Variants in RTN1 observed in about 807,000 individuals in gnomAD.
RTN1 encodes reticulon 1, also known as reticulon-1.
In RTN1, 25 loss-of-function variants were observed where a neutral mutation model predicts 65.5. The ratio of observed to expected loss-of-function variants is 0.38; its 90% confidence interval spans 0.28 to 0.53. The LOEUF (loss-of-function observed/expected upper bound fraction) is 0.53. Ranked by LOEUF, RTN1 falls within the 20% of genes least tolerant of loss-of-function variation. The pLI is 0.79. For synonymous variants in RTN1, 471 were observed against 447.6 expected, an observed-to-expected ratio of 1.05 and a Z score of -0.66; for missense variants, 983 against 1,025.4, an observed-to-expected ratio of 0.96 and a Z score of 0.57.
intron 3 of RTN1, among the ~76,000 whole-genome samples, chr14:59,620,992 A>G (rs1882239425): frequency 6.6e-6 from 1 of 152,234 alleles, no homozygotes; most frequent in Non-Finnish European, 1.5e-5. Flanking sequence ...AATGGCCTGA[A>G]GTTCTGATGA....
Position 59,726,929 on chromosome 14 carries a change from A to T in RTN1, c.1755T>A (p.Asn585Lys). Residue 585 changes from asparagine (N) to lysine (K), a missense_variant, in exon 3 of 9, where the codon AAT (asparagine) becomes AAA (lysine). Physicochemically the swap from Asn to Lys is moderately conservative, Grantham distance 94. This residue lies in a region of RTN1 where 818 missense variants were observed against 801.8 expected (regional missense o/e 1.02). Transcript: ENST00000267484. ...PGAPPPLLFLNKQKAIDLLYW... is the reference protein window; with the variant it reads ...PGAPPPLLFLKKQKAIDLLYW... ...CTTGGGATCCTTTACCTTTTTGCTTATTGAGAAACAGCAGTGGGGGCGGGG... is the reference window on the plus strand; with the variant it reads ...CTTGGGATCCTTTACCTTTTTGCTTTTTGAGAAACAGCAGTGGGGGCGGGG... 1 of 1,611,048 alleles carries T rather than the reference A, an allele frequency of 6.2e-7. No homozygotes were observed. The highest frequency in any genetic ancestry group is 8.5e-7 in the Non-Finnish European group (1 of 1,178,868).
At chr14:59,851,121 C>T (rs1227450842) in intron 1 of RTN1, among the ~76,000 whole-genome samples, 3 of 152,204 alleles carry the variant, frequency 2.0e-5, no homozygotes, top group African/African-American at 7.2e-5. Flanking sequence ...GAAAATAATG[C>T]TTCCAAAGAT....
chr14:59,596,680 T>A lies in RTN1; in HGVS notation c.*65A>T. On this transcript the variant is annotated 3_prime_UTR_variant, in exon 9 of 9. Coordinates refer to ENST00000267484, the MANE Select transcript of RTN1 (RefSeq NM_021136.3). ...AAGACAATCAATTTGCAGTAATGAGTAAGAAGAGAGCTGTTACCACTCCAG... is the reference window on the plus strand; with the variant it reads ...AAGACAATCAATTTGCAGTAATGAGAAAGAAGAGAGCTGTTACCACTCCAG... 8.3e-7 allele frequency: 1 copy of A among 1,204,190 alleles called. No homozygotes were observed. The highest frequency in any genetic ancestry group is 1.2e-6 in the Non-Finnish European group (1 of 806,584). The allele number at this position is 1,204,190 out of a possible 1,614,324, so 74.6% of individuals were successfully genotyped here.
At chr14:59,696,355 A>C (rs1884062544) in intron 3 of RTN1, among the ~76,000 whole-genome samples, 1 of 152,212 alleles carries the variant, frequency 6.6e-6, no homozygotes. Flanking sequence ...CAAGTCACTC[A>C]TCATCCTCAG....
At chr14:59,772,227 A>G (rs982389811) in intron 1 of RTN1, among the ~76,000 whole-genome samples, 1 of 152,226 alleles carries the variant, frequency 6.6e-6, no homozygotes, top group Non-Finnish European at 1.5e-5. Flanking sequence ...ACAAAAGGAT[A>G]TTAATCAACA....
intron 3 of RTN1, among the ~76,000 whole-genome samples, chr14:59,691,695 A>G (rs920341141): frequency 1.3e-5 from 2 of 152,206 alleles, no homozygotes; most frequent in African/African-American, 4.8e-5. Flanking sequence ...GCAAAATAAT[A>G]GCAAATCAAA....
chr14:59,610,714 G>A (rs1413497257), intron 3 of RTN1, among the ~76,000 whole-genome samples: 1 of 152,166 alleles, frequency 6.6e-6, no homozygotes, highest in Non-Finnish European at 1.5e-5. Flanking sequence ...TTCTTGCCTG[G>A]GGACTAGATT....
At chr14:59,718,356 C>T (rs1016230813) in intron 3 of RTN1, among the ~76,000 whole-genome samples, 1 of 152,208 alleles carries the variant, frequency 6.6e-6, no homozygotes, top group East Asian at 1.9e-4. Flanking sequence ...TACTTTAAAG[C>T]TGCCTTCGCT....
chr14:59,603,152 A>G, intron 7 of RTN1, 29 bp from the exon 8 acceptor site: 1 of 1,611,718 alleles, frequency 6.2e-7, no homozygotes, highest in Non-Finnish European at 8.5e-7. Flanking sequence ...AATAATGAGC[A>G]TATCCAAAGA....
rs1165420485 is a variant in RTN1 at position 59,727,313 on chromosome 14, C to T, written c.1371G>A (p.Glu457=). 1 of 1,496,118 alleles carries T rather than the reference C, an allele frequency of 6.7e-7. No individual in the cohort carries two copies. The highest frequency in any genetic ancestry group is 8.9e-7 in the Non-Finnish European group (1 of 1,122,258). The allele number at this position is 1,496,118 out of a possible 1,614,324, so 92.7% of individuals were successfully genotyped here. Residue 457 remains glutamate, a synonymous_variant, in exon 3 of 9, where the codon GAG becomes GAA. Transcript: ENST00000267484. This position sits in a 1 kb window ranked among gnomAD's most constrained non-coding sequence, Gnocchi z 4.2. ...PSIQYSILRE[E]REAELDSELI... ...GCTCGCTGTCCAGCTCGGCCTCGCGCTCCTCCCTCAGGATGCTGTACTGGA... is the reference window on the plus strand; with the variant it reads ...GCTCGCTGTCCAGCTCGGCCTCGCGTTCCTCCCTCAGGATGCTGTACTGGA...
chr14:59,750,858 C>A (rs1383928438), intron 1 of RTN1, among the ~76,000 whole-genome samples: 5 of 147,030 alleles, frequency 3.4e-5, no homozygotes, highest in African/African-American at 7.6e-5. Flanking sequence ...GGACTACAGG[C>A]ATGCACCAGC....
In RTN1 at chr14:59,816,291, T is replaced by C. The variant is rs1038199050; in HGVS notation, c.241+54099A>G. Among the ~76,000 whole-genome samples the C allele has an allele frequency of 6.6e-6, 1 of 152,038 alleles. No individual in the cohort carries two copies. The highest frequency in any genetic ancestry group is 1.5e-5 in the Non-Finnish European group (1 of 68,012). ...AATGAATGCTGATACAGACCTTTAG[T>C]AAAGAACAAAATAACAATTTCCCTG... is the stretch of plus-strand genomic sequence containing the variant. On this transcript the variant is annotated intron_variant, in intron 1 of 8. Coordinates refer to ENST00000267484, the MANE Select transcript of RTN1 (RefSeq NM_021136.3). This position sits in a 1 kb window ranked among gnomAD's most constrained non-coding sequence, Gnocchi z 4.3.
rs1176325385 is a variant in RTN1, at chr14:59,750,057, T to G, written c.242-3576A>C. 1.1e-3 allele frequency among the ~76,000 whole-genome samples: 56 copies of G among 51,820 alleles called. No individual in the cohort carries two copies. The East Asian group carries it at 0.016, about 15-fold the overall frequency. 34.0% of individuals were successfully genotyped at this position (51,820 alleles called of 152,430 possible). A position where few individuals can be genotyped will look rare whatever the true frequency, so the allele number is the denominator to read the frequency against. On this transcript the variant is annotated intron_variant, in intron 1 of 8. Transcript: ENST00000267484. ...TACATATATTATATATTATATTATA[T>G]ACATATATTATATATTATATATTAT...
At chr14:59,646,243 C>T (rs554337454) in intron 3 of RTN1, among the ~76,000 whole-genome samples, 1 of 152,188 alleles carries the variant, frequency 6.6e-6, no homozygotes, top group South Asian at 2.1e-4. Context: ...TTAAACACGA[C>T]AGTCATATAC....
intron 3 of RTN1, among the ~76,000 whole-genome samples, chr14:59,676,082 T>C (rs1883620454): frequency 6.6e-6 from 1 of 152,202 alleles, no homozygotes; most frequent in East Asian, 1.9e-4. Flanking sequence ...AGGTTCATCA[T>C]TGTATCATTA....
intron 1 of RTN1, among the ~76,000 whole-genome samples, chr14:59,754,033 A>T (rs537088372): frequency 2.0e-5 from 3 of 152,302 alleles, no homozygotes; most frequent in African/African-American, 7.2e-5. Context: ...AAATTCAGTT[A>T]CCTGGATGCA....
intron 7 of RTN1, 32 bp from the exon 8 acceptor site, chr14:59,603,155 T>A (rs1329789870): frequency 1.2e-6 from 2 of 1,611,508 alleles, no homozygotes; most frequent in African/African-American, 2.7e-5. Flanking sequence ...AATGAGCATA[T>A]CCAAAGATGA....
chr14:59,767,352 T>C (rs1022478793), intron 1 of RTN1, among the ~76,000 whole-genome samples: 3 of 152,296 alleles, frequency 2.0e-5, no homozygotes, highest in Admixed American at 1.3e-4. Context: ...TTGAACCAGC[T>C]CTAACAATGC....
At chr14:59,719,449 G>T (rs948371925) in intron 3 of RTN1, among the ~76,000 whole-genome samples, 2 of 152,156 alleles carry the variant, frequency 1.3e-5, no homozygotes, top group African/African-American at 4.8e-5. Context: ...TCACTCTGTT[G>T]ATTTTCTTCT....
Sources: allele counts gnomAD v4.1 joint callset (sites outside exome capture counted in the v4.1 genomes callset), GRCh38; gene constraint gnomAD v4.1.1; regional missense constraint gnomAD v4.1.1; non-coding constraint Gnocchi (gnomAD v3.1); transcripts MANE v1.5; gene names NCBI Gene and HGNC (gene_info 2026-07-23, HGNC 2026-07-21).